Variants in SLC24A2 observed in about 807,000 individuals in gnomAD.
SLC24A2 encodes the protein solute carrier family 24 member 2.
SLC24A2 carries 36 observed loss-of-function variants against 62.0 expected under a neutral mutation model. The ratio of observed to expected loss-of-function variants is 0.58; its 90% confidence interval spans 0.44 to 0.77. The LOEUF (loss-of-function observed/expected upper bound fraction) is 0.77. Among genes scored for constraint, SLC24A2 ranks in the 30% least tolerant of loss-of-function variants. The probability of loss-of-function intolerance (pLI) is 0.00; values close to 1 mark genes in which losing one functional copy is unlikely to be tolerated. For synonymous variants in SLC24A2, 358 were observed against 294.0 expected (o/e 1.22, Z -2.23); for missense variants, 846 against 817.9 (o/e 1.03, Z -0.42).
intron 2 of SLC24A2, among the ~76,000 whole-genome samples, chr9:19,662,185 C>G (rs1819120902): frequency 6.6e-6 from 1 of 152,168 alleles, no homozygotes; most frequent in Admixed American, 6.5e-5. Flanking sequence ...ATTTTAAAGA[C>G]ATATTTAACA....
the SLC24A2 span, among the ~76,000 whole-genome samples, chr9:20,056,148 TA>T: frequency 6.6e-6 from 1 of 152,238 alleles, no homozygotes; most frequent in Non-Finnish European, 1.5e-5. Context: ...TGAGCTTATA[TA>T]TTTAGCAAAG....
chr9:19,569,441 C>G (rs1222111633), intron 7 of SLC24A2, among the ~76,000 whole-genome samples: 5 of 152,212 alleles, frequency 3.3e-5, no homozygotes, highest in African/African-American at 4.8e-5. Flanking sequence ...AAATCTTCTG[C>G]AGCTTCCCAC....
At chr9:20,189,060 G>A in the SLC24A2 span, among the ~76,000 whole-genome samples, 1 of 146,822 alleles carries the variant, frequency 6.8e-6, no homozygotes, top group Non-Finnish European at 1.5e-5. Context: ...AATTAGGGTG[G>A]CTTTTCTTTT....
the SLC24A2 span, among the ~76,000 whole-genome samples, chr9:19,973,877 A>G: frequency 6.6e-6 from 1 of 152,314 alleles, no homozygotes; most frequent in African/African-American, 2.4e-5. Context: ...TATTGGACTC[A>G]ATTTTAAAAA....
At chr9:20,235,277 C>T in the SLC24A2 span, among the ~76,000 whole-genome samples, 9 of 152,234 alleles carry the variant, frequency 5.9e-5, no homozygotes, top group African/African-American at 2.2e-4. Flanking sequence ...TTTAAGTCTG[C>T]AGAGGTTACT....
intron 9 of SLC24A2, 64 bp from the exon 10 acceptor site, chr9:19,521,124 A>C: frequency 6.8e-7 from 1 of 1,480,310 alleles, no homozygotes; most frequent in East Asian, 2.3e-5. Flanking sequence ...AAAATCACAA[A>C]AATTTCAATG....
intron 4 of SLC24A2, 23 bp downstream of exon 4, chr9:19,619,561 C>T (rs754887398): frequency 6.3e-7 from 1 of 1,584,706 alleles, no homozygotes; most frequent in Non-Finnish European, 8.7e-7. Flanking sequence ...AAACAAGTTC[C>T]CAAACCAAAG....
chr9:19,524,235 T>C (rs1397298658), intron 9 of SLC24A2, among the ~76,000 whole-genome samples: 1 of 151,486 alleles, frequency 6.6e-6, no homozygotes, highest in Non-Finnish European at 1.5e-5. Context: ...GTGCCTTGGT[T>C]TAAGGAGGAT....
the SLC24A2 span, among the ~76,000 whole-genome samples, chr9:20,094,582 G>C: frequency 2.0e-5 from 3 of 152,006 alleles, no homozygotes; most frequent in East Asian, 5.8e-4. Flanking sequence ...AAATAGTATA[G>C]CAAAAAAGAA....
the SLC24A2 span, among the ~76,000 whole-genome samples, chr9:20,050,125 G>A: frequency 2.0e-5 from 3 of 149,924 alleles, no homozygotes; most frequent in African/African-American, 7.4e-5. Context: ...TACACACACA[G>A]AGATAACTTG....
Position 19,513,180 on chromosome 9 carries a change from ATATATATATATG to A in SLC24A2, c.*2961_*2972del. Reference sequence around the variant, plus strand: ...TATATATATATATATATATATGTATATATATATATATGTATATATTTATATATGTATATACAC... The same window carrying A: ...TATATATATATATATATATATGTATATATATATTTATATATGTATATACAC... On this transcript the variant is annotated 3_prime_UTR_variant, in exon 11 of 11. Coordinates refer to ENST00000341998, the MANE Select transcript of SLC24A2 (RefSeq NM_020344.4). The A allele has an allele frequency of 7.4e-6, 1 of 134,982 alleles. No individual in the cohort carries two copies. The highest frequency in any genetic ancestry group is 2.9e-5 in the African/African-American group (1 of 35,034). The allele number at this position is 134,982 out of a possible 1,614,324, so 8.4% of individuals were successfully genotyped here.
At chr9:20,254,679 A>G in the SLC24A2 span, among the ~76,000 whole-genome samples, 2 of 152,192 alleles carry the variant, frequency 1.3e-5, no homozygotes, top group Admixed American at 6.5e-5. Flanking sequence ...AAAAAGGCAG[A>G]AGTGACAACT....
the SLC24A2 span, among the ~76,000 whole-genome samples, chr9:20,137,106 T>C: frequency 6.6e-6 from 1 of 152,234 alleles, no homozygotes; most frequent in South Asian, 2.1e-4. Context: ...CTGTTGAACA[T>C]CCCATAAGCC....
At chr9:19,575,783 C>T (rs1202265534) in intron 6 of SLC24A2, among the ~76,000 whole-genome samples, 1 of 152,178 alleles carries the variant, frequency 6.6e-6, no homozygotes, top group Non-Finnish European at 1.5e-5. Flanking sequence ...CTCCAAGCTA[C>T]CTCATTCTAT....
chr9:20,163,667 T>C, the SLC24A2 span, among the ~76,000 whole-genome samples: 8 of 152,216 alleles, frequency 5.3e-5, no homozygotes, highest in South Asian at 6.2e-4. Flanking sequence ...AGAGCCCGCA[T>C]CACCAAGTCA....
chr9:19,839,377 T>C, the SLC24A2 span, among the ~76,000 whole-genome samples: 3 of 152,218 alleles, frequency 2.0e-5, no homozygotes, highest in Non-Finnish European at 2.9e-5. Flanking sequence ...TGCTCAGAGA[T>C]AGGGATGATT....
chr9:20,068,736 T>C, the SLC24A2 span, among the ~76,000 whole-genome samples: 20 of 152,194 alleles, frequency 1.3e-4, no homozygotes, highest in Admixed American at 1.2e-3. Context: ...GTTTCAACTG[T>C]CTGCCCAAAT....
chr9:19,720,807 T>C (rs1054540528), intron 2 of SLC24A2, among the ~76,000 whole-genome samples: 1 of 149,790 alleles, frequency 6.7e-6, no homozygotes, highest in Non-Finnish European at 1.5e-5. Context: ...CTTTTTGTAG[T>C]TCTAAAACAA....
At chr9:19,815,342 C>T in the SLC24A2 span, among the ~76,000 whole-genome samples, 49 of 152,044 alleles carry the variant, frequency 3.2e-4, no homozygotes, top group Admixed American at 3.3e-4. Context: ...TAAAATCTGG[C>T]CTCTGAGGAT....
Sources: allele counts gnomAD v4.1 joint callset (sites outside exome capture counted in the v4.1 genomes callset), GRCh38; gene constraint gnomAD v4.1.1; transcripts MANE v1.5; gene names NCBI Gene and HGNC (gene_info 2026-07-23, HGNC 2026-07-21).